ARHGEF1: variants seen among roughly 807,000 people sequenced by gnomAD.
ARHGEF1 encodes the protein 115 kDa guanine nucleotide exchange factor.
A neutral mutation model predicts 119.7 loss-of-function variants in ARHGEF1; 40 were observed. The ratio of observed to expected loss-of-function variants is 0.33; its 90% CI spans 0.26 to 0.44. ARHGEF1 has a LOEUF of 0.44. Ranked by LOEUF, ARHGEF1 falls within the 20% of genes least tolerant of loss-of-function variation. ARHGEF1 has a pLI of 1.00. For missense variants in ARHGEF1, 976 were observed against 1,268.3 expected (o/e 0.77, Z 3.50); for synonymous variants, 494 against 521.0 (o/e 0.95, Z 0.71).
chr19:41,905,600 C>T lies in ARHGEF1; in HGVS notation c.2337-160C>T, dbSNP rs1300454459. On this transcript the variant is annotated intron_variant, in intron 24 of 28. Coordinates refer to ENST00000354532, the MANE Select transcript of ARHGEF1 (RefSeq NM_004706.4). The surrounding 1 kb of genome is among the most constrained non-coding windows in gnomAD (Gnocchi z 6.4). ...GTCTCCTGTCTCCAGGCCTCTGTGTCTTCCATTGTCTGGGCCTCTCTGTCT... is the reference window on the plus strand; with the variant it reads ...GTCTCCTGTCTCCAGGCCTCTGTGTTTTCCATTGTCTGGGCCTCTCTGTCT... 4.1e-6 allele frequency: 3 copies of T among 724,352 alleles called. No individual in the cohort carries two copies. In the Admixed American group the frequency reaches 8.3e-5, roughly 20 times the overall value. The allele number at this position is 724,352 out of a possible 1,614,324, so 44.9% of individuals were successfully genotyped here. A position where few individuals can be genotyped will look rare whatever the true frequency, so the allele number is the denominator to read the frequency against.
downstream of ARHGEF1, among the ~76,000 whole-genome samples, chr19:41,911,848 G>A (rs1039112278): frequency 4.6e-5 from 7 of 151,996 alleles, no homozygotes; most frequent in Non-Finnish European, 1.0e-4. Context: ...GCTAGAGAGA[G>A]GACCCCCAAA....
At chr19:41,914,927 C>T (rs2074789839) in intron 18 of ARHGEF1, among the ~76,000 whole-genome samples, 1 of 131,964 alleles carries the variant, frequency 7.6e-6, no homozygotes, top group Non-Finnish European at 1.7e-5. Flanking sequence ...TCCACCATCT[C>T]CGTCTCTGTC....
intron 14 of ARHGEF1, among the ~76,000 whole-genome samples, chr19:41,901,363 G>A (rs2074602370): frequency 6.6e-6 from 1 of 151,870 alleles, no homozygotes; most frequent in South Asian, 2.1e-4. Flanking sequence ...TGTTGGCCAG[G>A]CTGGTCTTGA....
rs1380370682 is a variant in ARHGEF1, at chr19:41,903,041, C to G, written c.1738+143C>G. 3.9e-6 allele frequency: 3 copies of G among 759,774 alleles called. No homozygotes were observed. Among genetic ancestry groups the G allele is most frequent in the Non-Finnish European group, 6.2e-6 (3 of 481,652 alleles). The allele number at this position is 759,774 out of a possible 1,614,324, so 47.1% of individuals were successfully genotyped here. ...TCTACCATCCTCCCACCTCAGCTCC[C>G]CAAGTAGCTGGGACCCCAAGGGCAC... On this transcript the variant is annotated intron_variant, in intron 18 of 28. Transcript: ENST00000354532. The surrounding 1 kb of genome is among the most constrained non-coding windows in gnomAD (Gnocchi z 4.2).
At position 41,905,399 on chromosome 19, in the gene ARHGEF1, C is replaced by A; in HGVS notation, c.2336+138C>A. The A allele has an allele frequency of 1.3e-6, 1 of 755,138 alleles. No homozygotes were observed. Among genetic ancestry groups the A allele is most frequent in the Non-Finnish European group, 2.1e-6 (1 of 469,142 alleles). The allele number at this position is 755,138 out of a possible 1,614,324, so 46.8% of individuals were successfully genotyped here. A position where few individuals can be genotyped will look rare whatever the true frequency, so the allele number is the denominator to read the frequency against. On this transcript the variant is annotated intron_variant, in intron 24 of 28. Transcript: ENST00000354532. The surrounding 1 kb of genome is among the most constrained non-coding windows in gnomAD (Gnocchi z 6.4). ...TGCATGTGTGTGCATACATGTGTGT[C>A]TGTACGCAAGTATGTGACTGTGCGT...
chr19:41,919,502 C>T (rs1465394945), upstream of ARHGEF1, among the ~76,000 whole-genome samples: 1 of 141,606 alleles, frequency 7.1e-6, no homozygotes, highest in Non-Finnish European at 1.5e-5. Context: ...CACGTGTGCA[C>T]GTGCACGCGT....
In ARHGEF1 at chr19:41,894,180, T is replaced by C. The variant is rs184564161; in HGVS notation, c.645-27T>C. On this transcript the variant is annotated intron_variant, in intron 8 of 28. Transcript: ENST00000354532. Reference sequence around the variant, plus strand: ...TGTGTGTGTGTGTCTTTGTGTGTGTTGAGCCCTCACTGTCCCTTCCCTACA... The same window carrying C: ...TGTGTGTGTGTGTCTTTGTGTGTGTCGAGCCCTCACTGTCCCTTCCCTACA... The C allele has an allele frequency of 1.8e-4, 241 of 1,309,766 alleles. 1 individual carries two copies. The African/African-American group carries it at 4.6e-3, about 25-fold the overall frequency. 81.1% of individuals were successfully genotyped at this position (1,309,766 alleles called of 1,614,324 possible). A position where few individuals can be genotyped will look rare whatever the true frequency, so the allele number is the denominator to read the frequency against.
chr19:41,908,146 C>T (rs948379965), downstream of ARHGEF1: 33 of 1,124,294 alleles, frequency 2.9e-5, no homozygotes, highest in Non-Finnish European at 3.5e-5. The surrounding 1 kb of genome is among the most constrained non-coding windows in gnomAD (Gnocchi z 6.7). Context: ...AGGGCTGGTC[C>T]TGGGCCTTGG....
chr19:41,918,238 C>A (rs1599677328), upstream of ARHGEF1, among the ~76,000 whole-genome samples: 1 of 151,724 alleles, frequency 6.6e-6, no homozygotes, highest in Non-Finnish European at 1.5e-5. Context: ...CATATACACA[C>A]CACAAACACA....
chr19:41,907,730 T>G, downstream of ARHGEF1: 1 of 232,602 alleles, frequency 4.3e-6, no homozygotes, highest in Non-Finnish European at 8.3e-6. Context: ...TTTATTTCTG[T>G]AGTAAACTCT....
At chr19:41,914,369 GTC>G (rs1355716337) in intron 18 of ARHGEF1, among the ~76,000 whole-genome samples, 1 of 148,564 alleles carries the variant, frequency 6.7e-6, no homozygotes, top group Non-Finnish European at 1.5e-5. Context: ...CACCAAGGGG[GTC>G]TCTCTCCCCA....
rs961441760 is a variant in ARHGEF1 at position 41,902,176 on chromosome 19, C to T, written c.1415-98C>T. 3 of 1,563,888 alleles carry T rather than the reference C, an allele frequency of 1.9e-6. No individual in the cohort carries two copies. The highest frequency in any genetic ancestry group is 2.6e-6 in the Non-Finnish European group (3 of 1,142,272). On this transcript the variant is annotated intron_variant, in intron 15 of 28. Coordinates refer to ENST00000354532, the MANE Select transcript of ARHGEF1 (RefSeq NM_004706.4). This position sits in a 1 kb window ranked among gnomAD's most constrained non-coding sequence, Gnocchi z 6.5. The stretch of plus-strand genomic sequence containing the variant: ...GCCATCCGGTCCCGAGGATCAGACA[C>T]AGACACACCTGCAGCCCTACCCCCA...
At chr19:41,913,379 GTC>G (rs1217352410) in intron 18 of ARHGEF1, among the ~76,000 whole-genome samples, 4 of 151,274 alleles carry the variant, frequency 2.6e-5, no homozygotes, top group Non-Finnish European at 4.4e-5. Context: ...GTCTCCCTCT[GTC>G]TCTCTCTCTG....
In ARHGEF1 at chr19:41,904,894, G is replaced by A. The variant is rs1555849790; in HGVS notation, c.2162-55G>A. The A allele has an allele frequency of 2.0e-6, 3 of 1,471,618 alleles. No individual in the cohort carries two copies. The highest frequency in any genetic ancestry group is 2.3e-5 in the East Asian group (1 of 44,170). 91.2% of individuals were successfully genotyped at this position (1,471,618 alleles called of 1,614,324 possible). ...ACTTCTCCAGCTTGTGCTTAGGGAG[G>A]GGCAGGCACTGGGGGGACCTGGGCT... On this transcript the variant is annotated intron_variant, in intron 22 of 28. Transcript: ENST00000354532. This position sits in a 1 kb window ranked among gnomAD's most constrained non-coding sequence, Gnocchi z 8.4.
Position 41,888,902 on chromosome 19 carries a change from G to A in ARHGEF1, c.225+37G>A. 1 of 1,550,682 alleles carries A rather than the reference G, an allele frequency of 6.4e-7. No individual in the cohort carries two copies. The highest frequency in any genetic ancestry group is 8.8e-7 in the Non-Finnish European group (1 of 1,130,914). ...GCTGGGTGGGCACAGGGAGGGGTGGGGCTGGGACAGGCACAGCTTTTAGCG... is the reference window on the plus strand; with the variant it reads ...GCTGGGTGGGCACAGGGAGGGGTGGAGCTGGGACAGGCACAGCTTTTAGCG... On this transcript the variant is annotated intron_variant, in intron 4 of 28. Coordinates refer to ENST00000354532, the MANE Select transcript of ARHGEF1 (RefSeq NM_004706.4). This position sits in a 1 kb window ranked among gnomAD's most constrained non-coding sequence, Gnocchi z 5.1.
At chr19:41,908,403 G>C, downstream of ARHGEF1, 1 of 1,231,246 alleles carries the variant, frequency 8.1e-7, no homozygotes, top group Non-Finnish European at 1.0e-6. This position sits in a 1 kb window ranked among gnomAD's most constrained non-coding sequence, Gnocchi z 6.7. Context: ...CGCCAGGCGA[G>C]GGGCCGCTGC....
chr19:41,912,906 C>G, intron 18 of ARHGEF1: 1 of 1,231,498 alleles, frequency 8.1e-7, no homozygotes, highest in South Asian at 4.1e-5. Flanking sequence ...GTCGGAGACG[C>G]AGCTACAGTC....
rs1437743805 is a variant in ARHGEF1, at chr19:41,906,824, C to T, written c.*17+21C>T. 8 of 1,575,738 alleles carry T rather than the reference C, an allele frequency of 5.1e-6. No individual in the cohort carries two copies. The highest frequency in any genetic ancestry group is 1.4e-5 in the African/African-American group (1 of 73,800). On this transcript the variant is annotated intron_variant, in intron 28 of 28. Transcript: ENST00000354532. The surrounding 1 kb of genome is among the most constrained non-coding windows in gnomAD (Gnocchi z 4.5). ...GGAAGGTGAGTGGGGCACCTGGGGGCCAGGGCGCTGTCCTGAAAGGAGGGT... is the reference window on the plus strand; with the variant it reads ...GGAAGGTGAGTGGGGCACCTGGGGGTCAGGGCGCTGTCCTGAAAGGAGGGT...
intron 14 of ARHGEF1, among the ~76,000 whole-genome samples, chr19:41,901,464 CA>C (rs547935764): frequency 1.3e-5 from 2 of 152,134 alleles, no homozygotes; most frequent in Non-Finnish European, 2.9e-5. Flanking sequence ...TGTTTTGAGA[CA>C]AGGTCTCGCT....
Sources: gnomAD v4.1 joint callset for allele counts (sites outside exome capture counted in the v4.1 genomes callset) on GRCh38, gnomAD v4.1.1 for gene constraint, Gnocchi (gnomAD v3.1) non-coding constraint, MANE v1.5 for transcripts, NCBI Gene and HGNC (gene_info 2026-07-23, HGNC 2026-07-21) for gene names.